DHX36: variants seen among roughly 807,000 people sequenced by gnomAD.
The protein encoded by DHX36 is ATP-dependent DNA/RNA helicase DHX36.
A neutral mutation model predicts 139.0 loss-of-function variants in DHX36; 50 were observed. The ratio of observed to expected loss-of-function variants is 0.36; its 90% CI spans 0.29 to 0.46. DHX36 has a LOEUF of 0.46. Ranked by LOEUF, DHX36 falls within the 20% of genes least tolerant of loss-of-function variation. The probability of loss-of-function intolerance (pLI) is 1.00; values close to 1 mark genes in which losing one functional copy is unlikely to be tolerated. For missense variants in DHX36, 1,024 were observed against 1,211.3 expected, an observed-to-expected ratio of 0.85 and a Z score of 2.29; for synonymous variants, 425 against 401.9, an observed-to-expected ratio of 1.06 and a Z score of -0.69.
chr3:154,303,429 T>C lies in DHX36; in HGVS notation c.1136-19A>G, dbSNP rs994467154. ...CAGTTACCTATTACGGCAGACAAAA[T>C]ATAAGCATAAATTTGTACTCAAATG... On this transcript the variant is annotated intron_variant, in intron 8 of 24. Coordinates refer to ENST00000496811, the MANE Select transcript of DHX36 (RefSeq NM_020865.3). 9 of 1,545,990 alleles carry C rather than the reference T, an allele frequency of 5.8e-6. No individual in the cohort carries two copies. Among genetic ancestry groups the C allele is most frequent in the Non-Finnish European group, 7.0e-6 (8 of 1,135,000 alleles).
At chr3:154,279,632 C>A (rs1719269722) in intron 22 of DHX36, 1 of 152,204 alleles carries the variant, frequency 6.6e-6, no homozygotes, top group South Asian at 2.1e-4. Flanking sequence ...GTTATGACAA[C>A]CACAAGTATC....
intron 10 of DHX36, 142 bp from the exon 11 acceptor site, chr3:154,300,838 A>G (rs1712240265): frequency 1.5e-6 from 2 of 1,318,930 alleles, no homozygotes; most frequent in Admixed American, 2.1e-5. Flanking sequence ...ATTACTGCTT[A>G]AAAGTCAAAT....
chr3:154,292,546 C>A lies in DHX36; in HGVS notation c.1814+5G>T. 6.2e-7 allele frequency: 1 copy of A among 1,613,986 alleles called. No individual in the cohort carries two copies. The highest frequency in any genetic ancestry group is 8.5e-7 in the Non-Finnish European group (1 of 1,179,972). ...TAAAAGCTTTGGACAGAGTTCCCAC[C>A]TTACCTTCCAGCTCGACCTTTTCTC... On this transcript the variant is annotated splice_donor_5th_base_variant and intron_variant, in intron 15 of 24. Coordinates refer to ENST00000496811, the MANE Select transcript of DHX36 (RefSeq NM_020865.3).
At chr3:154,311,265 CTG>C (rs775373253) in intron 4 of DHX36, among the ~76,000 whole-genome samples, 5 of 151,908 alleles carry the variant, frequency 3.3e-5, no homozygotes, top group Non-Finnish European at 5.9e-5. Flanking sequence ...TTAAAATTAA[CTG>C]TATTTTTAGT....
At chr3:154,309,597 TTC>T in intron 5 of DHX36, 54 bp downstream of exon 5, 1 of 1,480,352 alleles carries the variant, frequency 6.8e-7, no homozygotes, top group Non-Finnish European at 9.1e-7. Context: ...AATCAGTAGG[TTC>T]TAGCAAGATT....
intron 19 of DHX36, 25 bp downstream of exon 19, chr3:154,284,558 C>A: frequency 6.5e-7 from 1 of 1,533,864 alleles, no homozygotes; most frequent in South Asian, 1.2e-5. Context: ...CTATCATAAT[C>A]CAGGACAAAA....
intron 1 of DHX36, among the ~76,000 whole-genome samples, chr3:154,316,709 A>C (rs1051139095): frequency 1.3e-5 from 2 of 152,000 alleles, no homozygotes; most frequent in Admixed American, 1.3e-4. Flanking sequence ...TCAAAGAATG[A>C]GAATAAAACA....
At chr3:154,277,758 C>G (rs1229043350) in intron 22 of DHX36, 40 bp from the exon 23 acceptor site, 1 of 1,518,924 alleles carries the variant, frequency 6.6e-7, no homozygotes, top group Admixed American at 1.9e-5. Context: ...AAAAAGAAGT[C>G]TTCTAGAGGA....
At chr3:154,283,053 A>T (rs1199310075) in intron 20 of DHX36, 135 bp downstream of exon 20, 1 of 580,888 alleles carries the variant, frequency 1.7e-6, no homozygotes, top group South Asian at 2.7e-5. Context: ...ATCCCCCATT[A>T]CTTTGTGTAT....
Position 154,284,802 on chromosome 3 carries a change from C to T in DHX36, c.2205+12G>A, listed in dbSNP as rs1168728085. ...ATCTAAAATAACTCGGTTTTATTTC[C>T]ATTTTTCTTACCAGTGGAATGACAA... On this transcript the variant is annotated intron_variant, in intron 18 of 24. Transcript: ENST00000496811. 1 of 1,611,634 alleles carries T rather than the reference C, an allele frequency of 6.2e-7. No homozygotes were observed. Among genetic ancestry groups the T allele is most frequent in the East Asian group, 2.2e-5 (1 of 44,820 alleles).
At position 154,276,457 on chromosome 3, in the gene DHX36, G is replaced by C. The variant is rs373545859; in HGVS notation, c.2842-101C>G. Reference sequence around the variant, plus strand: ...ACCTGATACAAGGAGTTTCACAAGCGATGGCTCAAAAGCTAAAACATTTAG... The same window carrying C: ...ACCTGATACAAGGAGTTTCACAAGCCATGGCTCAAAAGCTAAAACATTTAG... On this transcript the variant is annotated intron_variant, in intron 24 of 24. Transcript: ENST00000496811. 2.3e-5 allele frequency: 26 copies of C among 1,141,110 alleles called. No homozygotes were observed. The East Asian group carries it at 6.1e-4, about 27-fold the overall frequency. 70.7% of individuals were successfully genotyped at this position (1,141,110 alleles called of 1,614,324 possible). A position where few individuals can be genotyped will look rare whatever the true frequency, so the allele number is the denominator to read the frequency against.
At chr3:154,290,691 A>G (rs1711758657) in intron 15 of DHX36, among the ~76,000 whole-genome samples, 1 of 151,904 alleles carries the variant, frequency 6.6e-6, no homozygotes, top group Non-Finnish European at 1.5e-5. Flanking sequence ...TGTATTCTCA[A>G]GTAGAAGAGA....
rs772357295 is a variant in DHX36 at position 154,304,876 on chromosome 3, A to C, written c.1065T>G (p.Asn355Lys). Residue 355 changes from asparagine to lysine, a missense_variant, in exon 8 of 25, where the codon AAT (asparagine) becomes AAG (lysine). By Grantham distance (94) the Asn-to-Lys change is moderately conservative (BLOSUM62 0). Around this residue, in one of 4 missense-constraint regions of DHX36, gnomAD observed 146 missense variants for 215.0 expected, o/e 0.68. Coordinates refer to ENST00000496811, the MANE Select transcript of DHX36 (RefSeq NM_020865.3). ...VLMTVVKDLL[N>K]FRSDLKVILM... ...ATATTACTTTCAAGTCAGATCGAAA[A>C]TTGAGAAGGTCTTTAACAACAGTCA... 1.9e-6 allele frequency: 3 copies of C among 1,609,774 alleles called. No individual in the cohort carries two copies. The Admixed American group carries it at 5.1e-5, about 27-fold the overall frequency.
At chr3:154,302,894 A>G (rs896827182) in intron 9 of DHX36, among the ~76,000 whole-genome samples, 8 of 152,080 alleles carry the variant, frequency 5.3e-5, no homozygotes, top group African/African-American at 1.9e-4. Context: ...CCTGGCCAAC[A>G]CGGTGAAACT....
At chr3:154,298,867 T>A (rs1712147509) in intron 12 of DHX36, among the ~76,000 whole-genome samples, 1 of 152,122 alleles carries the variant, frequency 6.6e-6, no homozygotes. Flanking sequence ...TGAGCCGAGA[T>A]CGCACCACTG....
intron 12 of DHX36, among the ~76,000 whole-genome samples, chr3:154,298,862 C>T (rs968755194): frequency 2.6e-5 from 4 of 152,050 alleles, no homozygotes; most frequent in African/African-American, 4.8e-5. Flanking sequence ...TGCAGTGAGC[C>T]GAGATCGCAC....
At chr3:154,309,617 A>G in intron 5 of DHX36, 36 bp downstream of exon 5, 13 of 1,547,858 alleles carry the variant, frequency 8.4e-6, no homozygotes, top group Non-Finnish European at 1.0e-5. Context: ...ATTACTTTTA[A>G]AAAGACAATT....
chr3:154,299,375 GA>G (rs139410926), intron 12 of DHX36, among the ~76,000 whole-genome samples: 42,492 of 151,894 alleles, frequency 0.28, 6,691 homozygotes, highest in South Asian at 0.4. Context: ...AAATTTTATA[GA>G]AAAAAAGGTT....
At chr3:154,321,397 C>A (rs573614725) in intron 1 of DHX36, among the ~76,000 whole-genome samples, 2 of 152,302 alleles carry the variant, frequency 1.3e-5, no homozygotes, top group South Asian at 4.1e-4. Context: ...CACACACGTA[C>A]ATTCACTTTG....
Sources: allele counts gnomAD v4.1 joint callset (sites outside exome capture counted in the v4.1 genomes callset), GRCh38; gene constraint gnomAD v4.1.1; regional missense constraint gnomAD v4.1.1; transcripts MANE v1.5; gene names NCBI Gene and HGNC (gene_info 2026-07-23, HGNC 2026-07-21).